MUCL1: variants seen among roughly 807,000 people sequenced by gnomAD.
MUCL1 encodes mucin like 1, also known as mucin-like protein 1.
Under a neutral mutation model 9.2 loss-of-function variants are expected in MUCL1, and 11 were observed. The ratio of observed to expected loss-of-function variants is 1.19; its 90% CI spans 0.75 to 1.97. The LOEUF (loss-of-function observed/expected upper bound fraction) is 1.97, where lower values mean the gene tolerates loss of function less well. MUCL1 is among the 30% of genes most tolerant of loss of function. The pLI is 0.00. For synonymous variants in MUCL1, 48 were observed against 40.5 expected, an observed-to-expected ratio of 1.19 and a Z score of -0.71; for missense variants, 144 against 110.9, an observed-to-expected ratio of 1.30 and a Z score of -1.34.
chr12:54,855,290 T>C, intron 2 of MUCL1, 133 bp downstream of exon 2: 1 of 725,920 alleles, frequency 1.4e-6, no homozygotes, highest in Non-Finnish European at 2.4e-6. Context: ...GTGAAAGCTA[T>C]ATTCCTGATT....
intron 1 of MUCL1, among the ~76,000 whole-genome samples, chr12:54,844,899 C>T (rs1351371602): frequency 6.6e-6 from 1 of 152,274 alleles, no homozygotes; most frequent in African/African-American, 2.4e-5. Flanking sequence ...CATGACACTA[C>T]ACAAAAACTA....
chr12:54,851,665 C>G (rs181233626), upstream of MUCL1, among the ~76,000 whole-genome samples: 2 of 152,226 alleles, frequency 1.3e-5, no homozygotes, highest in South Asian at 4.1e-4. Flanking sequence ...CCAGGGCGAT[C>G]AGGCAGGAGA....
chr12:54,856,782 A>C lies in MUCL1; in HGVS notation c.113A>C (p.Asp38Ala), dbSNP rs1486965337. Residue 38 changes from aspartate (D) to alanine (A), a missense_variant, in exon 3 of 4, where the codon GAT (aspartate) becomes GCT (alanine). Transcript: ENST00000308796. The part of the protein sequence containing the change: ...ADTYPATGPA[D>A]DEAPDAETTA... ...CTTCTAATTTCAGCTGGTCCTGCTG[A>C]TGATGAAGCCCCTGATGCTGAAACC... The C allele has an allele frequency of 3.7e-6, 6 of 1,612,530 alleles. No homozygotes were observed. Among genetic ancestry groups the C allele is most frequent in the Admixed American group, 3.4e-5 (2 of 59,652 alleles).
upstream of MUCL1, among the ~76,000 whole-genome samples, chr12:54,836,030 G>A (rs572209989): frequency 3.9e-5 from 6 of 152,194 alleles, no homozygotes; most frequent in South Asian, 1.2e-3. Flanking sequence ...AGGAATATTG[G>A]TCTGTAGTTT....
At chr12:54,839,537 T>G (rs1376969986) in intron 1 of MUCL1, 4 of 699,512 alleles carry the variant, frequency 5.7e-6, no homozygotes, top group Non-Finnish European at 1.0e-5. Context: ...ACTGAGGTCT[T>G]TTCATTGGGG....
At chr12:54,851,621 C>A (rs1482129152), upstream of MUCL1, among the ~76,000 whole-genome samples, 2 of 152,138 alleles carry the variant, frequency 1.3e-5, no homozygotes, top group Non-Finnish European at 2.9e-5. Flanking sequence ...CCCTCTCTCA[C>A]CACTCCTATT....
intron 1 of MUCL1, among the ~76,000 whole-genome samples, chr12:54,843,574 G>T (rs906213170): frequency 4.6e-5 from 7 of 152,186 alleles, no homozygotes. Flanking sequence ...TATTCAGGTA[G>T]GCACAGTGTA....
upstream of MUCL1, among the ~76,000 whole-genome samples, chr12:54,852,489 C>G (rs548552082): frequency 9.3e-4 from 142 of 152,288 alleles, 1 homozygote; most frequent in Non-Finnish European, 1.7e-3. Flanking sequence ...TTCCTTACAC[C>G]TTATACAAAA....
chr12:54,851,441 T>G (rs1005688625), upstream of MUCL1, among the ~76,000 whole-genome samples: 49 of 152,182 alleles, frequency 3.2e-4, 1 homozygote. Flanking sequence ...AGAAAAGGCC[T>G]TTGACAAAAT....
At chr12:54,851,169 A>T, upstream of MUCL1, among the ~76,000 whole-genome samples, 1 of 152,070 alleles carries the variant, frequency 6.6e-6, no homozygotes, top group Admixed American at 6.5e-5. Context: ...GTTTAATTAC[A>T]ACCCATTTGT....
upstream of MUCL1, among the ~76,000 whole-genome samples, chr12:54,835,091 C>G (rs1415907218): frequency 6.6e-6 from 1 of 152,124 alleles, no homozygotes; most frequent in African/African-American, 2.4e-5. Flanking sequence ...CTATTTCATT[C>G]TCTTTTATGG....
At chr12:54,830,747 C>A (rs1237276263) in exon 1 of MUCL1, 3 of 152,188 alleles carry the variant, frequency 2.0e-5, no homozygotes, top group African/African-American at 7.2e-5. Context: ...GAACTATAGA[C>A]CCCTTGGCCT....
intron 3 of MUCL1, 22 bp downstream of exon 3, chr12:54,856,914 T>A (rs775954021): frequency 6.2e-7 from 1 of 1,613,424 alleles, no homozygotes; most frequent in South Asian, 1.1e-5. Context: ...CCTCCATCTG[T>A]GTGCTTCCTT....
At chr12:54,855,699 A>G (rs1381690782) in intron 2 of MUCL1, among the ~76,000 whole-genome samples, 2 of 152,236 alleles carry the variant, frequency 1.3e-5, no homozygotes, top group Non-Finnish European at 2.9e-5. Flanking sequence ...CGAAGGTGGT[A>G]GACCAAAGCC....
At chr12:54,831,751 CT>C (rs1959185721) in intron 1 of MUCL1, among the ~76,000 whole-genome samples, 1 of 152,140 alleles carries the variant, frequency 6.6e-6, no homozygotes, top group East Asian at 1.9e-4. Context: ...ATATTTGAGT[CT>C]GTTAATTTTT....
At chr12:54,842,961 A>G (rs2135941668) in intron 1 of MUCL1, among the ~76,000 whole-genome samples, 1 of 152,274 alleles carries the variant, frequency 6.6e-6, no homozygotes, top group South Asian at 2.1e-4. Flanking sequence ...ATACGTTTAG[A>G]CACATAAATA....
chr12:54,842,153 G>T (rs1959215570), intron 1 of MUCL1, among the ~76,000 whole-genome samples: 1 of 151,880 alleles, frequency 6.6e-6, no homozygotes, highest in African/African-American at 2.4e-5. Flanking sequence ...CTGTTCATTT[G>T]TATTTTATCC....
At chr12:54,855,260 G>A in intron 2 of MUCL1, 103 bp downstream of exon 2, 1 of 1,008,926 alleles carries the variant, frequency 9.9e-7, no homozygotes, top group Non-Finnish European at 1.5e-6. Context: ...TTTGTTATAA[G>A]GAATCCTAAG....
intron 1 of MUCL1, among the ~76,000 whole-genome samples, chr12:54,831,057 G>T (rs1959184788): frequency 1.3e-5 from 2 of 152,108 alleles, no homozygotes; most frequent in East Asian, 3.9e-4. Context: ...TAGAAGAAAG[G>T]TGAGAGGCAA....
Sources: allele counts gnomAD v4.1 joint callset (sites outside exome capture counted in the v4.1 genomes callset), GRCh38; gene constraint gnomAD v4.1.1; transcripts MANE v1.5; gene names NCBI Gene and HGNC (gene_info 2026-07-23, HGNC 2026-07-21).